The following TDRD9 variants were observed in gnomAD, a reference collection of about 807,000 sequenced individuals.
TDRD9 encodes tudor domain containing 9.
Under a neutral mutation model 172.6 loss-of-function variants are expected in TDRD9, and 124 were observed. The ratio of observed to expected loss-of-function variants is 0.72; its 90% CI spans 0.62 to 0.83. The LOEUF is 0.83. Ranked by LOEUF, TDRD9 falls within the 40% of genes least tolerant of loss-of-function variation. The probability of loss-of-function intolerance (pLI) is 0.00; values close to 1 mark genes in which losing one functional copy is unlikely to be tolerated. For missense variants in TDRD9, 1,479 were observed against 1,714.1 expected (o/e 0.86, Z 2.42); for synonymous variants, 619 against 617.1 (o/e 1.00, Z -0.05).
intron 34 of TDRD9, 114 bp from the exon 35 acceptor site, chr14:104,049,494 A>G (rs2035880101): frequency 2.5e-6 from 2 of 792,278 alleles, no homozygotes; most frequent in Non-Finnish European, 4.0e-6. Context: ...TAAACAGTTT[A>G]TTCTAGTTCC....
intron 7 of TDRD9, among the ~76,000 whole-genome samples, chr14:103,983,781 G>A (rs1030157260): frequency 1.3e-5 from 2 of 152,204 alleles, no homozygotes; most frequent in African/African-American, 4.8e-5. Flanking sequence ...GAGTAACAAG[G>A]CAGAGGATGG....
At chr14:104,034,232 C>T (rs1372302441) in intron 31 of TDRD9, among the ~76,000 whole-genome samples, 163 bp downstream of exon 31, 2 of 141,180 alleles carry the variant, frequency 1.4e-5, no homozygotes, top group Non-Finnish European at 3.0e-5. Context: ...GCTCTGTCGC[C>T]CAGGCTAGAG....
chr14:103,999,642 G>GTCATTTAATCTTTTAATCTT (rs2034185928), intron 13 of TDRD9, among the ~76,000 whole-genome samples: 1 of 125,956 alleles, frequency 7.9e-6, no homozygotes, highest in Non-Finnish European at 1.7e-5. Flanking sequence ...TTGTTTTTTA[G>GTCATTTAATCTTTTAATCTT]AAAACCTTTT....
chr14:104,041,077 G>A (rs1566803602), intron 33 of TDRD9, among the ~76,000 whole-genome samples: 2 of 152,126 alleles, frequency 1.3e-5, no homozygotes, highest in Admixed American at 1.3e-4. Flanking sequence ...TCCATGAGAC[G>A]GGTGAGGTTA....
At position 104,034,963 on chromosome 14, in the gene TDRD9, C is replaced by G; in HGVS notation, c.3623C>G (p.Ser1208Cys). 6.4e-7 allele frequency: 1 copy of G among 1,551,328 alleles called. No individual in the cohort carries two copies. Among genetic ancestry groups the G allele is most frequent in the Non-Finnish European group, 8.7e-7 (1 of 1,146,682 alleles). Residue 1208 changes from serine to cysteine, a missense_variant, in exon 32 of 36, where the codon TCT becomes TGT. Physicochemically the swap from Ser to Cys is moderately radical, Grantham distance 112 (BLOSUM62 -1). Coordinates refer to ENST00000409874, the MANE Select transcript of TDRD9 (RefSeq NM_153046.3). ...AASLSINATG[S>C]TMLLRETSLM... ...TGATTTAGCATGACTTGAACAGGATCTACGATGCTGCTGAGAGAAACCTCT... is the reference window on the plus strand; with the variant it reads ...TGATTTAGCATGACTTGAACAGGATGTACGATGCTGCTGAGAGAAACCTCT...
intron 33 of TDRD9, among the ~76,000 whole-genome samples, chr14:104,041,068 C>T (rs1221140051): frequency 6.6e-6 from 1 of 152,182 alleles, no homozygotes; most frequent in African/African-American, 2.4e-5. Context: ...CTTAGAAGTT[C>T]CATGAGACGG....
chr14:103,958,142 C>T (rs1206650492), intron 2 of TDRD9, among the ~76,000 whole-genome samples: 5 of 152,168 alleles, frequency 3.3e-5, no homozygotes, highest in African/African-American at 1.2e-4. Flanking sequence ...TTTAGTCATC[C>T]AGTTACACAA....
At chr14:104,016,773 A>G (rs1259721560) in intron 22 of TDRD9, among the ~76,000 whole-genome samples, 1 of 152,186 alleles carries the variant, frequency 6.6e-6, no homozygotes. Context: ...CCTGTATCTG[A>G]TAAGGCGGGG....
intron 22 of TDRD9, 118 bp downstream of exon 22, chr14:104,016,206 G>T (rs1214762300): frequency 7.2e-6 from 5 of 697,082 alleles, no homozygotes; most frequent in African/African-American, 1.8e-5. Flanking sequence ...TGAATATTAG[G>T]CTTGTTTGGC....
intron 1 of TDRD9, among the ~76,000 whole-genome samples, chr14:103,934,516 T>C (rs1047064630): frequency 1.3e-5 from 2 of 152,098 alleles, no homozygotes; most frequent in Non-Finnish European, 2.9e-5. Flanking sequence ...CGGTGGCTCA[T>C]GCCTGTAATC....
At chr14:103,937,181 C>A (rs185409346) in intron 1 of TDRD9, among the ~76,000 whole-genome samples, 1 of 152,322 alleles carries the variant, frequency 6.6e-6, no homozygotes, top group African/African-American at 2.4e-5. Context: ...GCATCGACTG[C>A]TGTTAGGATA....
At chr14:104,018,337 G>C (rs1036850976) in intron 23 of TDRD9, 145 bp downstream of exon 23, 5 of 579,374 alleles carry the variant, frequency 8.6e-6, no homozygotes, top group South Asian at 2.3e-5. Context: ...TGTAGCTTTG[G>C]TTTATCTTAT....
chr14:103,948,788 A>G (rs935299945), intron 1 of TDRD9, among the ~76,000 whole-genome samples: 2 of 151,318 alleles, frequency 1.3e-5, no homozygotes, highest in African/African-American at 4.9e-5. Context: ...GGAGGATTGC[A>G]TGAGCCCAGA....
At chr14:103,929,420 G>C (rs2030215876) in intron 1 of TDRD9, among the ~76,000 whole-genome samples, 1 of 152,042 alleles carries the variant, frequency 6.6e-6, no homozygotes, top group Non-Finnish European at 1.5e-5. Context: ...TCCATGGTTT[G>C]ATAGCTTCTT....
intron 7 of TDRD9, among the ~76,000 whole-genome samples, chr14:103,977,296 C>T (rs1380154929): frequency 6.6e-6 from 1 of 151,792 alleles, no homozygotes; most frequent in African/African-American, 2.4e-5. Context: ...TCGAGACCAT[C>T]CTGGCTAACA....
intron 9 of TDRD9, 92 bp from the exon 10 acceptor site, chr14:103,994,240 C>T (rs1351698639): frequency 8.8e-7 from 1 of 1,130,196 alleles, no homozygotes; most frequent in Non-Finnish European, 1.3e-6. Flanking sequence ...GTAGGGCCTT[C>T]TTTGAAAGAT....
chr14:104,048,241 A>AATTTTAATT (rs1418671287), intron 34 of TDRD9, among the ~76,000 whole-genome samples: 1 of 151,952 alleles, frequency 6.6e-6, no homozygotes, highest in Non-Finnish European at 1.5e-5. Flanking sequence ...TTATGTTTTT[A>AATTTTAATT]ATTTTAATTT....
At chr14:103,978,995 T>C (rs1290821761) in intron 7 of TDRD9, among the ~76,000 whole-genome samples, 1 of 152,192 alleles carries the variant, frequency 6.6e-6, no homozygotes, top group African/African-American at 2.4e-5. Flanking sequence ...AGCTTCCTCC[T>C]CCTATCTGGC....
chr14:103,961,610 C>T (rs1320472202), intron 2 of TDRD9, among the ~76,000 whole-genome samples: 5 of 150,338 alleles, frequency 3.3e-5, no homozygotes, highest in Admixed American at 2.6e-4. Flanking sequence ...AAAGCCATAT[C>T]GGCAGGACAG....
Sources: allele counts gnomAD v4.1 joint callset (sites outside exome capture counted in the v4.1 genomes callset), GRCh38; gene constraint gnomAD v4.1.1; transcripts MANE v1.5; gene names NCBI Gene and HGNC (gene_info 2026-07-23, HGNC 2026-07-21).